The following GMDS variants were observed in gnomAD, a reference collection of about 807,000 sequenced individuals.
The protein encoded by GMDS is GDP-mannose 4,6-dehydratase.
Under a neutral mutation model 49.9 loss-of-function variants are expected in GMDS, and 20 were observed. That is an observed-to-expected ratio of 0.40 (90% CI 0.28 to 0.58). The LOEUF (loss-of-function observed/expected upper bound fraction) is 0.58. Ranked by LOEUF, GMDS falls within the 20% of genes least tolerant of loss-of-function variation. The probability of loss-of-function intolerance (pLI) is 0.42; values close to 1 mark genes in which losing one functional copy is unlikely to be tolerated. For synonymous variants in GMDS, 177 were observed against 178.6 expected (o/e 0.99, Z 0.07); for missense variants, 362 against 481.4 (o/e 0.75, Z 2.32).
chr6:1,757,810 G>A (rs887650289), intron 7 of GMDS, among the ~76,000 whole-genome samples: 23 of 152,156 alleles, frequency 1.5e-4, no homozygotes, highest in African/African-American at 5.6e-4. Flanking sequence ...AATATAATGT[G>A]AGCCACACGT....
At chr6:1,683,272 C>T (rs550347452) in intron 9 of GMDS, among the ~76,000 whole-genome samples, 61 of 152,184 alleles carry the variant, frequency 4.0e-4, no homozygotes, top group African/African-American at 1.2e-3. Flanking sequence ...TACAGGCGCC[C>T]GCCACCACGC....
intron 2 of GMDS, among the ~76,000 whole-genome samples, chr6:2,123,685 C>CT (rs1233033281): frequency 6.6e-6 from 1 of 152,208 alleles, no homozygotes; most frequent in East Asian, 1.9e-4. Flanking sequence ...ATTACAGCAG[C>CT]TTATGCATAT....
At chr6:2,182,603 G>C (rs1449552491) in intron 1 of GMDS, among the ~76,000 whole-genome samples, 1 of 152,132 alleles carries the variant, frequency 6.6e-6, no homozygotes, top group East Asian at 1.9e-4. Flanking sequence ...AATCTATTAT[G>C]TTTCTGTGCT....
At chr6:1,652,343 G>T (rs1325832721) in intron 9 of GMDS, among the ~76,000 whole-genome samples, 6 of 100,420 alleles carry the variant, frequency 6.0e-5, no homozygotes, top group African/African-American at 2.4e-4. Context: ...TTGCACTCCA[G>T]CCTGGGTGAC....
intron 7 of GMDS, among the ~76,000 whole-genome samples, chr6:1,920,140 C>T (rs1182918214): frequency 1.3e-5 from 2 of 152,148 alleles, no homozygotes; most frequent in Admixed American, 6.5e-5. Context: ...TCTTTGCTTT[C>T]GGGAACATTC....
intron 7 of GMDS, among the ~76,000 whole-genome samples, chr6:1,847,542 A>C (rs1757464296): frequency 6.6e-6 from 1 of 152,148 alleles, no homozygotes; most frequent in Non-Finnish European, 1.5e-5. Context: ...GTTCCCTTGC[A>C]CATGTCCCAT....
chr6:1,817,609 A>G (rs1211567976), intron 7 of GMDS, among the ~76,000 whole-genome samples: 1 of 152,232 alleles, frequency 6.6e-6, no homozygotes, highest in Non-Finnish European at 1.5e-5. Flanking sequence ...CCATAAAAAC[A>G]TATAAAAGTA....
At chr6:1,664,925 G>A (rs1361215277) in intron 9 of GMDS, among the ~76,000 whole-genome samples, 2 of 152,112 alleles carry the variant, frequency 1.3e-5, no homozygotes, top group Non-Finnish European at 2.9e-5. Context: ...CACCAGGATC[G>A]CTCTCACACA....
chr6:1,887,788 C>T (rs1759676883), intron 7 of GMDS, among the ~76,000 whole-genome samples: 1 of 152,116 alleles, frequency 6.6e-6, no homozygotes, highest in Non-Finnish European at 1.5e-5. Flanking sequence ...TACAAAAATC[C>T]AAGGATGCTC....
At chr6:2,115,549 A>T (rs1202960143) in intron 4 of GMDS, among the ~76,000 whole-genome samples, 1 of 152,224 alleles carries the variant, frequency 6.6e-6, no homozygotes, top group African/African-American at 2.4e-5. Context: ...CTGCTATTCC[A>T]ATATTAGTGG....
intron 1 of GMDS, among the ~76,000 whole-genome samples, chr6:2,152,153 T>TAAAC (rs2127538518): frequency 6.6e-6 from 1 of 152,324 alleles, no homozygotes; most frequent in South Asian, 2.1e-4. Context: ...TTCCTTATAC[T>TAAAC]TTGACTTTAT....
intron 7 of GMDS, among the ~76,000 whole-genome samples, chr6:1,861,065 T>C (rs1481078362): frequency 6.6e-6 from 1 of 152,228 alleles, no homozygotes; most frequent in African/African-American, 2.4e-5. Context: ...CTGTCTGTCT[T>C]TACTCTGCCT....
intron 4 of GMDS, among the ~76,000 whole-genome samples, chr6:2,108,498 C>CA (rs1774365223): frequency 6.6e-6 from 1 of 152,076 alleles, no homozygotes; most frequent in African/African-American, 2.4e-5. Flanking sequence ...GTTAGTATCA[C>CA]TGATGTGCTA....
intron 1 of GMDS, among the ~76,000 whole-genome samples, chr6:2,240,416 AAAGAT>A (rs1781559358): frequency 6.6e-6 from 1 of 152,352 alleles, no homozygotes; most frequent in Admixed American, 6.5e-5. Context: ...ACCTGGCAGA[AAAGAT>A]AAGTGACTTA....
intron 7 of GMDS, among the ~76,000 whole-genome samples, chr6:1,756,715 G>C (rs1460351397): frequency 6.6e-6 from 1 of 152,250 alleles, no homozygotes; most frequent in Non-Finnish European, 1.5e-5. Context: ...CACAGGTCTG[G>C]TGCTGGGTGC....
Position 1,913,180 on chromosome 6 carries a change from G to C in GMDS, c.771+16923C>G, listed in dbSNP as rs1259349178. 2.6e-5 allele frequency among the ~76,000 whole-genome samples: 4 copies of C among 151,976 alleles called. No individual in the cohort carries two copies. The South Asian group carries it at 8.3e-4, about 32-fold the overall frequency. ...GCGGATCACGAGGTCAGGAGATCGAGACCATCCCGGCTAAAACGGTGAAAC... is the reference window on the plus strand; with the variant it reads ...GCGGATCACGAGGTCAGGAGATCGACACCATCCCGGCTAAAACGGTGAAAC... On this transcript the variant is annotated intron_variant, in intron 7 of 10. Coordinates refer to ENST00000380815, the MANE Select transcript of GMDS (RefSeq NM_001500.4).
At chr6:2,139,954 C>A (rs973154015) in intron 1 of GMDS, among the ~76,000 whole-genome samples, 4 of 152,144 alleles carry the variant, frequency 2.6e-5, no homozygotes. Context: ...GGCAGCTGAG[C>A]GCAGGAGGAG....
At chr6:2,042,756 T>G (rs879385065) in intron 4 of GMDS, among the ~76,000 whole-genome samples, 8 of 152,076 alleles carry the variant, frequency 5.3e-5, no homozygotes, top group Admixed American at 5.2e-4. Context: ...TCAAAAGAAA[T>G]CAAAAACACA....
At chr6:2,123,771 G>A (rs1775269073) in intron 2 of GMDS, among the ~76,000 whole-genome samples, 1 of 152,164 alleles carries the variant, frequency 6.6e-6, no homozygotes, top group South Asian at 2.1e-4. Context: ...TTAGCTCTTG[G>A]ATAAGGGTAC....
Sources: gnomAD v4.1 joint callset for allele counts (sites outside exome capture counted in the v4.1 genomes callset) on GRCh38, gnomAD v4.1.1 for gene constraint, MANE v1.5 for transcripts, NCBI Gene and HGNC (gene_info 2026-07-23, HGNC 2026-07-21) for gene names.